The following ATXN7L1 variants were observed in gnomAD, a reference collection of about 807,000 sequenced individuals.
The protein encoded by ATXN7L1 is ataxin 7 like 1.
A neutral mutation model predicts 70.8 loss-of-function variants in ATXN7L1; 15 were observed. The observed-to-expected ratio is 0.21, with a 90% confidence interval of 0.14 to 0.33. ATXN7L1 has a LOEUF of 0.33. ATXN7L1 is among the 10% of genes least tolerant of loss of function. The pLI, the probability that ATXN7L1 is intolerant of heterozygous loss-of-function variation, is 1.00. For missense variants in ATXN7L1, 975 were observed against 1,097.1 expected, an observed-to-expected ratio of 0.89 and a Z score of 1.57; for synonymous variants, 440 against 445.1, an observed-to-expected ratio of 0.99 and a Z score of 0.14.
chr7:105,848,224 C>A (rs1359097415), intron 2 of ATXN7L1, among the ~76,000 whole-genome samples: 2 of 152,146 alleles, frequency 1.3e-5, no homozygotes, highest in Non-Finnish European at 2.9e-5. Context: ...AAATATCTGA[C>A]AATCTTTGGT....
intron 3 of ATXN7L1, among the ~76,000 whole-genome samples, chr7:105,775,647 C>T (rs376969129): frequency 2.0e-5 from 3 of 152,260 alleles, no homozygotes; most frequent in Admixed American, 6.5e-5. Context: ...GTACAGTACA[C>T]GTAGTATGTG....
chr7:105,712,842 A>T (rs558554129), intron 3 of ATXN7L1, among the ~76,000 whole-genome samples: 1 of 152,302 alleles, frequency 6.6e-6, no homozygotes, highest in Non-Finnish European at 1.5e-5. Context: ...CCTGTTATCC[A>T]GTTCCAAAGT....
chr7:105,733,694 CCATCCATT>C (rs1162494786), intron 3 of ATXN7L1, among the ~76,000 whole-genome samples: 21 of 141,194 alleles, frequency 1.5e-4, no homozygotes, highest in Admixed American at 2.8e-4. Context: ...ATCCACCCAT[CCATCCATT>C]CATCCATCCA....
At chr7:105,688,699 AC>A (rs1370793870) in intron 3 of ATXN7L1, among the ~76,000 whole-genome samples, 1 of 152,178 alleles carries the variant, frequency 6.6e-6, no homozygotes, top group Non-Finnish European at 1.5e-5. Context: ...AAGCCCAAGA[AC>A]CCATGGTCAG....
At chr7:105,841,792 C>T (rs772323951) in intron 2 of ATXN7L1, among the ~76,000 whole-genome samples, 6 of 152,146 alleles carry the variant, frequency 3.9e-5, no homozygotes, top group Non-Finnish European at 7.4e-5. Flanking sequence ...ACAGTATGTA[C>T]GTATGCATAG....
chr7:105,686,165 T>G (rs931287133), intron 3 of ATXN7L1, among the ~76,000 whole-genome samples: 1 of 152,104 alleles, frequency 6.6e-6, no homozygotes, highest in Admixed American at 6.5e-5. Flanking sequence ...CTCTCTGACT[T>G]ACAATGGGAT....
At chr7:105,637,900 G>A (rs928480145) in intron 7 of ATXN7L1, among the ~76,000 whole-genome samples, 7 of 152,160 alleles carry the variant, frequency 4.6e-5, no homozygotes, top group East Asian at 3.9e-4. Context: ...GGTGCAGTGA[G>A]CGTCTAAGAG....
intron 3 of ATXN7L1, among the ~76,000 whole-genome samples, chr7:105,772,215 A>G (rs1432580506): frequency 1.3e-5 from 2 of 152,018 alleles, no homozygotes; most frequent in Non-Finnish European, 2.9e-5. Flanking sequence ...CTGGGATTAC[A>G]GGCACATGCC....
At position 105,620,258 on chromosome 7, in the gene ATXN7L1, G is replaced by T; in HGVS notation, c.1459C>A (p.Arg487Ser). The T allele has an allele frequency of 6.4e-7, 1 of 1,551,296 alleles. No individual in the cohort carries two copies. The highest frequency in any genetic ancestry group is 1.2e-5 in the South Asian group (1 of 84,038). Residue 487 changes from arginine to serine, a missense_variant, in exon 9 of 12, where the codon CGT becomes AGT. By Grantham distance (110) the Arg-to-Ser change is moderately radical. This residue lies in a region of ATXN7L1 where 635 missense variants were observed against 699.4 expected (regional missense o/e 0.91). Transcript: ENST00000419735. ...GYYVFDRRWD[R>S]FRFALNSMVE... ...ATGGAGTTTAGTGCGAATCGAAAAC[G>T]ATCCCATCTTCTATCAAACACATAG... is the stretch of plus-strand genomic sequence containing the variant.
At chr7:105,642,815 A>G (rs1339981547) in intron 5 of ATXN7L1, 23 bp downstream of exon 5, 1 of 1,542,672 alleles carries the variant, frequency 6.5e-7, no homozygotes, top group Non-Finnish European at 8.8e-7. Flanking sequence ...CATGAGTCAG[A>G]CCCTGACGAC....
At chr7:105,871,408 G>C (rs1368084445) in intron 2 of ATXN7L1, among the ~76,000 whole-genome samples, 1 of 152,128 alleles carries the variant, frequency 6.6e-6, no homozygotes, top group Non-Finnish European at 1.5e-5. Flanking sequence ...CCCAGGTGAT[G>C]ACAACATTCA....
chr7:105,716,007 G>C (rs566427164), intron 3 of ATXN7L1, among the ~76,000 whole-genome samples: 1 of 152,246 alleles, frequency 6.6e-6, no homozygotes, highest in South Asian at 2.1e-4. Context: ...TGGGGTGGAG[G>C]CGGGGGGGAT....
At chr7:105,617,931 CG>C in intron 9 of ATXN7L1, 1 of 456,698 alleles carries the variant, frequency 2.2e-6, no homozygotes, top group South Asian at 1.5e-5. Context: ...GGTTCGGGCC[CG>C]CCGGGGCCTG....
At chr7:105,618,727 A>T (rs766347435) in intron 9 of ATXN7L1, among the ~76,000 whole-genome samples, 2 of 152,176 alleles carry the variant, frequency 1.3e-5, no homozygotes, top group Non-Finnish European at 2.9e-5. Flanking sequence ...TATGTGATCC[A>T]TGACTCCAAT....
intron 2 of ATXN7L1, among the ~76,000 whole-genome samples, chr7:105,847,503 C>T (rs892430201): frequency 1.3e-5 from 2 of 152,126 alleles, no homozygotes; most frequent in African/African-American, 4.8e-5. Flanking sequence ...AAAATCAGGG[C>T]AGGGTTGACT....
At chr7:105,850,084 A>G (rs1369630257) in intron 2 of ATXN7L1, among the ~76,000 whole-genome samples, 1 of 152,244 alleles carries the variant, frequency 6.6e-6, no homozygotes, top group African/African-American at 2.4e-5. Context: ...GCTTTTTCTC[A>G]GTGTTACATA....
At chr7:105,773,869 G>A (rs767160817) in intron 3 of ATXN7L1, among the ~76,000 whole-genome samples, 15 of 152,218 alleles carry the variant, frequency 9.9e-5, no homozygotes, top group Admixed American at 2.6e-4. Flanking sequence ...GAGGGTCGGG[G>A]AGAAGTGGTT....
chr7:105,819,747 C>A (rs970641301), intron 2 of ATXN7L1: 2 of 743,214 alleles, frequency 2.7e-6, no homozygotes, highest in East Asian at 3.0e-5. Flanking sequence ...GACCTCGAGG[C>A]ATGTTGCCCC....
chr7:105,717,559 A>T (rs1283193172), intron 3 of ATXN7L1, among the ~76,000 whole-genome samples: 1 of 152,182 alleles, frequency 6.6e-6, no homozygotes, highest in Non-Finnish European at 1.5e-5. Flanking sequence ...CTTGTACGCA[A>T]TTTGATTTAT....
Sources: gnomAD v4.1 joint callset for allele counts (sites outside exome capture counted in the v4.1 genomes callset) on GRCh38, gnomAD v4.1.1 for gene constraint, gnomAD v4.1.1 regional missense constraint, MANE v1.5 for transcripts, NCBI Gene and HGNC (gene_info 2026-07-23, HGNC 2026-07-21) for gene names.